Variants in TASP1 observed in about 807,000 individuals in gnomAD.
TASP1 encodes taspase 1, also known as threonine aspartase 1.
In TASP1, 16 loss-of-function variants were observed where a neutral mutation model predicts 56.6. That is an observed-to-expected ratio of 0.28 (90% CI 0.19 to 0.43). TASP1 has a LOEUF of 0.43. Ranked by LOEUF, TASP1 falls within the 20% of genes least tolerant of loss-of-function variation. TASP1 has a pLI of 1.00. For synonymous variants in TASP1, 179 were observed against 184.2 expected (o/e 0.97, Z 0.23); for missense variants, 393 against 511.6 (o/e 0.77, Z 2.24).
chr20:13,391,454 T>C (rs2041273129), intron 13 of TASP1, among the ~76,000 whole-genome samples: 1 of 152,146 alleles, frequency 6.6e-6, no homozygotes, highest in Non-Finnish European at 1.5e-5. Context: ...TGCATAAACT[T>C]CACGCAATCC....
the TASP1 span, among the ~76,000 whole-genome samples, chr20:13,107,478 G>A: frequency 1.4e-4 from 21 of 152,054 alleles, no homozygotes; most frequent in Non-Finnish European, 2.1e-4. Flanking sequence ...TGCTGCCCAC[G>A]GTCAAGTAGA....
At chr20:13,199,175 T>C in the TASP1 span, among the ~76,000 whole-genome samples, 1 of 152,046 alleles carries the variant, frequency 6.6e-6, no homozygotes, top group Admixed American at 6.6e-5. Flanking sequence ...AGTTCTGGGA[T>C]TATAGGCATA....
the TASP1 span, chr20:13,154,272 AG>A: frequency 1.7e-6 from 2 of 1,166,630 alleles, no homozygotes; most frequent in African/African-American, 3.1e-5. Context: ...GCTTCTCGGA[AG>A]CCACCTGTCA....
chr20:13,317,921 G>A, the TASP1 span, among the ~76,000 whole-genome samples: 36 of 2,624 alleles, frequency 0.014, no homozygotes, highest in African/African-American at 0.062. Flanking sequence ...GGCACTATCC[G>A]TGGAAAAAAA....
At chr20:13,340,473 T>A in the TASP1 span, among the ~76,000 whole-genome samples, 36 of 151,226 alleles carry the variant, frequency 2.4e-4, no homozygotes, top group African/African-American at 8.3e-4. Context: ...CAGTATACAT[T>A]ATTCAAGTGT....
the TASP1 span, among the ~76,000 whole-genome samples, chr20:13,360,106 T>C: frequency 1.3e-5 from 2 of 152,096 alleles, no homozygotes; most frequent in Non-Finnish European, 1.5e-5. Context: ...ATCGACCAAA[T>C]TGTTTTGCCT....
At chr20:13,114,301 A>G in the TASP1 span, among the ~76,000 whole-genome samples, 1 of 152,230 alleles carries the variant, frequency 6.6e-6, no homozygotes, top group Non-Finnish European at 1.5e-5. Flanking sequence ...GTATGTTTTC[A>G]TTAAGTATCA....
chr20:13,117,522 G>A, the TASP1 span: 16 of 1,597,110 alleles, frequency 1.0e-5, no homozygotes, highest in East Asian at 2.2e-5. Context: ...AGGTTCCATC[G>A]TGCATCTGCC....
At chr20:13,432,021 T>C (rs1312978468) in intron 12 of TASP1, among the ~76,000 whole-genome samples, 1 of 152,226 alleles carries the variant, frequency 6.6e-6, no homozygotes, top group East Asian at 1.9e-4. Context: ...TACTCAGATA[T>C]TCTGTTAGTT....
the TASP1 span, among the ~76,000 whole-genome samples, chr20:13,133,234 G>A: frequency 6.6e-6 from 1 of 152,068 alleles, no homozygotes; most frequent in Non-Finnish European, 1.5e-5. Flanking sequence ...ACCCTCACCT[G>A]TTTCCTTTCC....
chr20:13,607,030 G>C (rs2147402596), intron 4 of TASP1, among the ~76,000 whole-genome samples: 1 of 152,210 alleles, frequency 6.6e-6, no homozygotes, highest in East Asian at 1.9e-4. Flanking sequence ...AGAAATGTCA[G>C]GAAAATGTAG....
intron 10 of TASP1, among the ~76,000 whole-genome samples, chr20:13,500,925 A>G (rs1372394985): frequency 2.0e-5 from 3 of 152,218 alleles, no homozygotes; most frequent in African/African-American, 7.2e-5. Flanking sequence ...AAATACTATC[A>G]CATTTAAGGA....
chr20:13,407,182 C>G (rs938084118), intron 13 of TASP1, among the ~76,000 whole-genome samples: 16 of 152,180 alleles, frequency 1.1e-4, no homozygotes, highest in Non-Finnish European at 2.2e-4. Flanking sequence ...GTGCAATGTT[C>G]TAATTCCAGA....
the TASP1 span, among the ~76,000 whole-genome samples, chr20:13,105,703 C>T: frequency 6.6e-6 from 1 of 152,114 alleles, no homozygotes; most frequent in African/African-American, 2.4e-5. Flanking sequence ...CCAGTGTCGT[C>T]GGAGCCACAT....
chr20:13,175,943 G>C, the TASP1 span, among the ~76,000 whole-genome samples: 1 of 152,120 alleles, frequency 6.6e-6, no homozygotes, highest in Non-Finnish European at 1.5e-5. Flanking sequence ...AATGATTAAA[G>C]ATATAAAGAA....
chr20:13,586,140 A>G (rs1361122270), intron 5 of TASP1, among the ~76,000 whole-genome samples: 1 of 138,234 alleles, frequency 7.2e-6, no homozygotes, highest in Non-Finnish European at 1.5e-5. Flanking sequence ...GCACCACTGC[A>G]CTCCAGGCTG....
chr20:13,248,900 T>A, the TASP1 span, among the ~76,000 whole-genome samples: 1 of 152,182 alleles, frequency 6.6e-6, no homozygotes, highest in Non-Finnish European at 1.5e-5. Flanking sequence ...GGTGAAAGTA[T>A]ATGATGTAAG....
At chr20:13,121,997 T>G in the TASP1 span, among the ~76,000 whole-genome samples, 1 of 152,150 alleles carries the variant, frequency 6.6e-6, no homozygotes, top group Non-Finnish European at 1.5e-5. Context: ...GAAGTTTTGT[T>G]TTACTTCCTT....
At chr20:13,184,210 G>T in the TASP1 span, among the ~76,000 whole-genome samples, 2 of 151,982 alleles carry the variant, frequency 1.3e-5, no homozygotes, top group African/African-American at 4.8e-5. Context: ...ACCTCATAAA[G>T]GTTATAAATC....
Sources: allele counts gnomAD v4.1 joint callset (sites outside exome capture counted in the v4.1 genomes callset), GRCh38; gene constraint gnomAD v4.1.1; transcripts MANE v1.5; gene names NCBI Gene and HGNC (gene_info 2026-07-23, HGNC 2026-07-21).